The following PSMA8 variants were observed in gnomAD, a reference collection of about 807,000 sequenced individuals.
The protein encoded by PSMA8 is proteasome subunit alpha-type 8.
A neutral mutation model predicts 32.4 loss-of-function variants in PSMA8; 18 were observed. The ratio of observed to expected loss-of-function variants is 0.56; its 90% CI spans 0.38 to 0.82. The LOEUF (loss-of-function observed/expected upper bound fraction) is 0.82. Ranked by LOEUF, PSMA8 falls within the 40% of genes least tolerant of loss-of-function variation. The pLI is 0.00. For missense variants in PSMA8, 298 were observed against 300.7 expected, an observed-to-expected ratio of 0.99 and a Z score of 0.07; for synonymous variants, 104 against 98.1, an observed-to-expected ratio of 1.06 and a Z score of -0.36.
At chr18:26,151,287 A>G (rs184726088) in intron 2 of PSMA8, among the ~76,000 whole-genome samples, 200 of 152,294 alleles carry the variant, frequency 1.3e-3, no homozygotes, top group South Asian at 4.3e-3. Context: ...TGGACATGGA[A>G]AAGTCAAATG....
chr18:26,183,466 A>G (rs2055329024), intron 6 of PSMA8, among the ~76,000 whole-genome samples: 1 of 150,782 alleles, frequency 6.6e-6, no homozygotes, highest in Non-Finnish European at 1.5e-5. Flanking sequence ...TCCAACCCTT[A>G]TGAATGACTT....
intron 4 of PSMA8, among the ~76,000 whole-genome samples, chr18:26,164,484 C>T (rs753388594): frequency 3.9e-5 from 6 of 152,146 alleles, no homozygotes; most frequent in African/African-American, 1.4e-4. Flanking sequence ...GCATTATATG[C>T]GTCCTGCTGT....
intron 4 of PSMA8, among the ~76,000 whole-genome samples, chr18:26,159,139 C>A (rs2055115505): frequency 1.3e-5 from 2 of 152,058 alleles, no homozygotes; most frequent in South Asian, 4.2e-4. Context: ...AAGTTAAATA[C>A]CCAGATTTTA....
chr18:26,158,958 G>A (rs2055113147), intron 4 of PSMA8, among the ~76,000 whole-genome samples: 1 of 152,062 alleles, frequency 6.6e-6, no homozygotes, highest in African/African-American at 2.4e-5. Context: ...AGGTGACAGA[G>A]CAAGACCCTG....
At chr18:26,161,402 C>A (rs576935326) in intron 4 of PSMA8, among the ~76,000 whole-genome samples, 2 of 152,340 alleles carry the variant, frequency 1.3e-5, no homozygotes, top group South Asian at 4.1e-4. Flanking sequence ...CACACAGCTA[C>A]TGCTATTACT....
chr18:26,155,007 C>T (rs2055076969), intron 3 of PSMA8, among the ~76,000 whole-genome samples: 1 of 152,048 alleles, frequency 6.6e-6, no homozygotes, highest in African/African-American at 2.4e-5. Context: ...GTGGGCAGAT[C>T]ACTTGAGCCC....
chr18:26,148,000 A>T (rs1426883681), intron 2 of PSMA8, among the ~76,000 whole-genome samples: 1 of 152,202 alleles, frequency 6.6e-6, no homozygotes, highest in Non-Finnish European at 1.5e-5. Context: ...AGAAAATCTG[A>T]ACAGACACAA....
chr18:26,152,801 A>C (rs1367550346), intron 3 of PSMA8, among the ~76,000 whole-genome samples: 1 of 150,526 alleles, frequency 6.6e-6, no homozygotes, highest in Non-Finnish European at 1.5e-5. Flanking sequence ...AATCTTTTAT[A>C]ATTATACCAA....
chr18:26,179,114 G>A lies in PSMA8; in HGVS notation c.644G>A (p.Arg215Lys). Residue 215 changes from arginine to lysine, a missense_variant, in exon 6 of 7, where the codon AGA (arginine) becomes AAA (lysine). By Grantham distance (26) the Arg-to-Lys change is conservative. Coordinates refer to ENST00000415576, the MANE Select transcript of PSMA8 (RefSeq NM_001025096.2). ...AACATTGAACTTGCTATAATAAGAA[G>A]AAATCAACCTTTGAAGGTAAGTCAT... ...GKNIELAIIR[R>K]NQPLKMFSAK... The A allele has an allele frequency of 6.2e-7, 1 of 1,611,542 alleles. No homozygotes were observed. The highest frequency in any genetic ancestry group is 8.5e-7 in the Non-Finnish European group (1 of 1,178,490).
intron 1 of PSMA8, 81 bp from the exon 2 acceptor site, chr18:26,144,478 C>A: frequency 1.7e-6 from 2 of 1,184,536 alleles, no homozygotes; most frequent in Non-Finnish European, 2.4e-6. Flanking sequence ...AAGTCATTTC[C>A]CCTAAGTCAT....
At chr18:26,145,861 T>C (rs1946305313) in intron 2 of PSMA8, among the ~76,000 whole-genome samples, 1 of 152,194 alleles carries the variant, frequency 6.6e-6, no homozygotes, top group Non-Finnish European at 1.5e-5. Flanking sequence ...ATTTCATTTC[T>C]CTGGGACAAA....
chr18:26,142,811 G>A (rs1418420522), intron 1 of PSMA8, among the ~76,000 whole-genome samples: 2 of 152,058 alleles, frequency 1.3e-5, no homozygotes, highest in South Asian at 2.1e-4. Context: ...TTTAATAAGG[G>A]CACGAATCCC....
chr18:26,152,035 T>G, intron 3 of PSMA8, 53 bp downstream of exon 3: 1 of 1,463,892 alleles, frequency 6.8e-7, no homozygotes, highest in Non-Finnish European at 9.2e-7. Context: ...TTCATCATTA[T>G]AAGTCCTATC....
chr18:26,152,499 A>C (rs2055054787), intron 3 of PSMA8, among the ~76,000 whole-genome samples: 1 of 151,854 alleles, frequency 6.6e-6, no homozygotes, highest in Non-Finnish European at 1.5e-5. Context: ...AAATTTTTGT[A>C]TTTTTTGTAC....
intron 4 of PSMA8, among the ~76,000 whole-genome samples, chr18:26,169,433 A>C (rs2055204507): frequency 7.6e-6 from 1 of 131,784 alleles, no homozygotes; most frequent in Non-Finnish European, 1.5e-5. Context: ...TGGTTCAAGC[A>C]ACCATCATCC....
intron 4 of PSMA8, among the ~76,000 whole-genome samples, chr18:26,167,047 AC>A (rs1242800218): frequency 3.9e-5 from 6 of 152,314 alleles, no homozygotes; most frequent in South Asian, 2.1e-4. Context: ...TTCAAAGCAA[AC>A]ATTGTGTAGG....
At chr18:26,191,047 G>A (rs1439204580) in intron 6 of PSMA8, among the ~76,000 whole-genome samples, 1 of 152,154 alleles carries the variant, frequency 6.6e-6, no homozygotes, top group Non-Finnish European at 1.5e-5. Flanking sequence ...CTTTATAGGT[G>A]AAATGGAAAG....
intron 2 of PSMA8, among the ~76,000 whole-genome samples, chr18:26,148,416 A>G (rs960797990): frequency 6.6e-5 from 10 of 151,788 alleles, no homozygotes; most frequent in Non-Finnish European, 8.8e-5. Flanking sequence ...GAAAAAAACT[A>G]TATAATTATA....
chr18:26,147,739 G>GA (rs2055015408), intron 2 of PSMA8, among the ~76,000 whole-genome samples: 1 of 151,852 alleles, frequency 6.6e-6, no homozygotes, highest in Admixed American at 6.6e-5. Context: ...TAACAGAATA[G>GA]AAAAACAAAA....
Sources: allele counts gnomAD v4.1 joint callset (sites outside exome capture counted in the v4.1 genomes callset), GRCh38; gene constraint gnomAD v4.1.1; transcripts MANE v1.5; gene names NCBI Gene and HGNC (gene_info 2026-07-23, HGNC 2026-07-21).